The following CCDC192 variants were observed in gnomAD, a reference collection of about 807,000 sequenced individuals.
CCDC192 encodes coiled-coil domain-containing protein 192.
At chr5:127,797,764 TATATATATATA>T (rs1561494200) in intron 4 of CCDC192, among the ~76,000 whole-genome samples, 2,278 of 19,558 alleles carry the variant, frequency 0.12, 102 homozygotes, top group East Asian at 0.4. Context: ...TATATATATA[TATATATATATA>T]TATTTATTTA....
intron 2 of CCDC192, among the ~76,000 whole-genome samples, chr5:127,735,492 G>A (rs1415852688): frequency 8.4e-6 from 1 of 118,590 alleles, no homozygotes; most frequent in African/African-American, 3.5e-5. Context: ...GATGGGGATG[G>A]CATTGAATCT....
At chr5:127,784,735 A>T (rs542669392) in intron 3 of CCDC192, 1 of 534,848 alleles carries the variant, frequency 1.9e-6, no homozygotes, top group South Asian at 1.6e-5. Flanking sequence ...AGGATAGCTG[A>T]GTGAGGGCCT....
At chr5:127,766,951 A>G (rs1236443753) in intron 3 of CCDC192, among the ~76,000 whole-genome samples, 3 of 152,244 alleles carry the variant, frequency 2.0e-5, no homozygotes, top group Non-Finnish European at 2.9e-5. Flanking sequence ...TGTATTTCCT[A>G]ACCTCAAGGA....
chr5:127,826,764 G>A (rs2127031775), intron 5 of CCDC192, among the ~76,000 whole-genome samples: 1 of 150,968 alleles, frequency 6.6e-6, no homozygotes, highest in South Asian at 2.1e-4. Flanking sequence ...ACCTGCACAT[G>A]TACCCCCTCA....
chr5:127,850,117 A>G (rs959763517), intron 5 of CCDC192, among the ~76,000 whole-genome samples: 4 of 152,200 alleles, frequency 2.6e-5, no homozygotes, highest in African/African-American at 9.6e-5. Context: ...TGCCGCCTGA[A>G]TCTGTCGCTT....
At chr5:127,871,226 A>G (rs2127126644) in intron 5 of CCDC192, among the ~76,000 whole-genome samples, 1 of 152,380 alleles carries the variant, frequency 6.6e-6, no homozygotes, top group African/African-American at 2.4e-5. Context: ...TTTTCAGAAC[A>G]TTAAGTTTTG....
At chr5:127,927,224 TGAGA>T (rs993101157) in intron 6 of CCDC192, among the ~76,000 whole-genome samples, 2 of 151,834 alleles carry the variant, frequency 1.3e-5, no homozygotes, top group Non-Finnish European at 2.9e-5. Context: ...AATAAGATAT[TGAGA>T]GAGAGAGAGA....
intron 4 of CCDC192, among the ~76,000 whole-genome samples, chr5:127,797,746 TATATATATATATATATATATATATA>T (rs1757241908): frequency 1.6e-4 from 2 of 12,384 alleles, no homozygotes; most frequent in Admixed American, 2.0e-3. Flanking sequence ...TATATATATA[TATATATATATATATATATATATATA>T]TATATATTTA....
intron 6 of CCDC192, among the ~76,000 whole-genome samples, chr5:127,932,312 C>T (rs892708880): frequency 4.6e-5 from 7 of 151,978 alleles, no homozygotes; most frequent in Non-Finnish European, 8.8e-5. Context: ...TCAAGTGATA[C>T]TCCCACCTCA....
At chr5:127,771,947 G>A (rs1332945386) in intron 3 of CCDC192, among the ~76,000 whole-genome samples, 1 of 152,142 alleles carries the variant, frequency 6.6e-6, no homozygotes, top group African/African-American at 2.4e-5. Flanking sequence ...TGAATCCCAG[G>A]TTCCACACAG....
intron 6 of CCDC192, among the ~76,000 whole-genome samples, chr5:127,912,225 C>T (rs973975386): frequency 5.3e-5 from 8 of 151,526 alleles, no homozygotes; most frequent in South Asian, 2.1e-4. Context: ...CAACTGCTCC[C>T]GTCCCAAAAA....
In CCDC192 at chr5:127,919,073, ATGTGTG is replaced by A. The variant is rs70997353; in HGVS notation, c.536-22083_536-22078del. ...TGTGTGTGTATGTGTGTGTGTATATATGTGTGTGTGTGTGTGTGTGTGTGTGTGTGT... is the reference window on the plus strand; with the variant it reads ...TGTGTGTGTATGTGTGTGTGTATATATGTGTGTGTGTGTGTGTGTGTGTGT... On this transcript the variant is annotated intron_variant, in intron 6 of 6. Coordinates refer to ENST00000514853, the MANE Select transcript of CCDC192 (RefSeq NM_001317938.2). Among the ~76,000 whole-genome samples the A allele has an allele frequency of 1.6e-3, 225 of 137,420 alleles. 1 individual carries two copies. The highest frequency in any genetic ancestry group is 2.5e-3 in the Non-Finnish European group (160 of 64,858). 90.2% of individuals were successfully genotyped at this position (137,420 alleles called of 152,430 possible).
chr5:127,873,775 G>A (rs1287307339), intron 5 of CCDC192, among the ~76,000 whole-genome samples: 1 of 152,140 alleles, frequency 6.6e-6, no homozygotes, highest in African/African-American at 2.4e-5. Context: ...TACCATCCAG[G>A]ACCTCACAAG....
At chr5:127,874,144 G>A (rs1413451282) in intron 5 of CCDC192, among the ~76,000 whole-genome samples, 1 of 152,122 alleles carries the variant, frequency 6.6e-6, no homozygotes, top group South Asian at 2.1e-4. Flanking sequence ...CTCTTTACAA[G>A]TACTGCCATG....
intron 3 of CCDC192, among the ~76,000 whole-genome samples, chr5:127,791,436 T>C (rs116604640): frequency 0.011 from 1,608 of 152,328 alleles, 27 homozygotes; most frequent in African/African-American, 0.036. Context: ...AATAAGAAGT[T>C]CTAGGAACTG....
Position 127,893,088 on chromosome 5 carries a change from G to A in CCDC192, c.535+17427G>A, listed in dbSNP as rs12109347. 4.7e-3 allele frequency among the ~76,000 whole-genome samples: 710 copies of A among 152,196 alleles called. 6 individuals are homozygous for A. Among genetic ancestry groups the A allele is most frequent in the African/African-American group, 0.017 (692 of 41,504 alleles). On this transcript the variant is annotated intron_variant, in intron 6 of 6. Coordinates refer to ENST00000514853, the MANE Select transcript of CCDC192 (RefSeq NM_001317938.2). ...CAGAAAGCCCTAAAATATCAGTATC[G>A]GGTGTTAGAAGTCAAGCAGACCTTA...
At chr5:127,826,151 G>T (rs931103719) in intron 5 of CCDC192, among the ~76,000 whole-genome samples, 1 of 152,110 alleles carries the variant, frequency 6.6e-6, no homozygotes, top group African/African-American at 2.4e-5. Flanking sequence ...AAGGTGGAAT[G>T]AATCAGAGAG....
intron 3 of CCDC192, 42 bp downstream of exon 3, chr5:127,754,417 G>A (rs1029239540): frequency 2.5e-6 from 1 of 397,470 alleles, no homozygotes; most frequent in African/African-American, 2.1e-5. Flanking sequence ...GTTCCTCAGT[G>A]TGCAGCATGG....
At chr5:127,751,673 C>G (rs1219521826) in intron 2 of CCDC192, among the ~76,000 whole-genome samples, 1 of 152,102 alleles carries the variant, frequency 6.6e-6, no homozygotes, top group African/African-American at 2.4e-5. Flanking sequence ...CCTTGCTAGA[C>G]TGGGGAAATT....
Sources: gnomAD v4.1 joint callset for allele counts (sites outside exome capture counted in the v4.1 genomes callset) on GRCh38, gnomAD v4.1.1 for gene constraint, MANE v1.5 for transcripts, NCBI Gene and HGNC (gene_info 2026-07-23, HGNC 2026-07-21) for gene names.